The following CTNNBL1 variants were observed in gnomAD, a reference collection of about 807,000 sequenced individuals.
CTNNBL1 encodes the protein beta-catenin-like protein 1.
Under a neutral mutation model 72.7 loss-of-function variants are expected in CTNNBL1, and 31 were observed. That is an observed-to-expected ratio of 0.43 (90% confidence interval 0.32 to 0.58). CTNNBL1 has a LOEUF of 0.58. Ranked by LOEUF, CTNNBL1 falls within the 20% of genes least tolerant of loss-of-function variation. CTNNBL1 has a pLI of 0.08. For synonymous variants in CTNNBL1, 240 were observed against 267.3 expected (o/e 0.90, Z 1.00); for missense variants, 534 against 725.1 (o/e 0.74, Z 3.03).
At chr20:37,802,559 TA>T (rs1269335048) in intron 10 of CTNNBL1, among the ~76,000 whole-genome samples, 18 of 152,350 alleles carry the variant, frequency 1.2e-4, no homozygotes, top group African/African-American at 4.1e-4. Flanking sequence ...GAAATGTCTA[TA>T]ATCTCAACAC....
rs147419302 is a variant in CTNNBL1, at chr20:37,747,460, A to G, written c.466+853A>G. On this transcript the variant is annotated intron_variant, in intron 4 of 15. Coordinates refer to ENST00000361383, the MANE Select transcript of CTNNBL1 (RefSeq NM_030877.5). ...TTTGTTGAGTGCATGTTGGACCTAA[A>G]CAGACAATCTAGGTTTGACTCTCAA... Among the ~76,000 whole-genome samples the G allele has an allele frequency of 2.8e-3, 421 of 152,158 alleles. 4 individuals are homozygous for G. Among genetic ancestry groups the G allele is most frequent in the East Asian group, 0.017 (86 of 5,184 alleles).
chr20:37,784,625 T>C (rs1227061400), intron 10 of CTNNBL1, among the ~76,000 whole-genome samples: 2 of 152,230 alleles, frequency 1.3e-5, no homozygotes, highest in African/African-American at 4.8e-5. Context: ...ATAAAAACTC[T>C]ACACTTTAAC....
intron 3 of CTNNBL1, among the ~76,000 whole-genome samples, chr20:37,745,021 G>A (rs539466310): frequency 7.9e-5 from 12 of 152,252 alleles, no homozygotes; most frequent in Admixed American, 5.9e-4. Context: ...GTTATTTTTG[G>A]TTAGTAGGCT....
chr20:37,718,247 C>T (rs1423886321), intron 1 of CTNNBL1, among the ~76,000 whole-genome samples: 213 of 145,010 alleles, frequency 1.5e-3, no homozygotes, highest in African/African-American at 5.3e-3. Context: ...CTGACCCCCC[C>T]ACCTCCCTCC....
chr20:37,715,231 G>A (rs2072976012), intron 1 of CTNNBL1, among the ~76,000 whole-genome samples: 1 of 152,168 alleles, frequency 6.6e-6, no homozygotes, highest in Admixed American at 6.5e-5. Flanking sequence ...ATAGACTGAC[G>A]GGCAGCGTTT....
At chr20:37,804,272 G>A (rs935800611) in intron 11 of CTNNBL1, among the ~76,000 whole-genome samples, 6 of 152,204 alleles carry the variant, frequency 3.9e-5, no homozygotes, top group African/African-American at 1.4e-4. Flanking sequence ...AGGGAATGGA[G>A]GGGGTCCTGG....
intron 11 of CTNNBL1, among the ~76,000 whole-genome samples, chr20:37,812,328 C>T (rs2072019191): frequency 6.6e-6 from 1 of 152,172 alleles, no homozygotes; most frequent in African/African-American, 2.4e-5. Flanking sequence ...TTCATGTTTA[C>T]ATATAGGATA....
At chr20:37,833,979 T>C (rs566016066) in intron 11 of CTNNBL1, among the ~76,000 whole-genome samples, 16 of 152,176 alleles carry the variant, frequency 1.1e-4, no homozygotes, top group Non-Finnish European at 2.2e-4. Context: ...AGCATCCAGA[T>C]AGAGAGGTAG....
chr20:37,862,623 C>T (rs56035067), intron 15 of CTNNBL1, among the ~76,000 whole-genome samples: 2,591 of 152,284 alleles, frequency 0.017, 74 homozygotes, highest in African/African-American at 0.059. Context: ...GGCAAGCGAG[C>T]AGGTGAGCGA....
intron 15 of CTNNBL1, among the ~76,000 whole-genome samples, chr20:37,863,290 C>G (rs890691996): frequency 3.3e-5 from 5 of 152,204 alleles, no homozygotes; most frequent in Non-Finnish European, 7.3e-5. Flanking sequence ...GCTCCAGGAA[C>G]TACTCAGCTG....
At chr20:37,796,284 G>T (rs1042705044) in intron 10 of CTNNBL1, among the ~76,000 whole-genome samples, 1 of 152,042 alleles carries the variant, frequency 6.6e-6, no homozygotes, top group Non-Finnish European at 1.5e-5. Flanking sequence ...GCAGATCTCC[G>T]TGCAGCTCTC....
intron 4 of CTNNBL1, among the ~76,000 whole-genome samples, chr20:37,749,485 C>G (rs534624785): frequency 6.6e-6 from 1 of 152,074 alleles, no homozygotes; most frequent in Non-Finnish European, 1.5e-5. Context: ...AAACACATCC[C>G]CCTATAATAA....
chr20:37,773,504 C>T (rs564250571), intron 7 of CTNNBL1, among the ~76,000 whole-genome samples: 1 of 152,288 alleles, frequency 6.6e-6, no homozygotes, highest in South Asian at 2.1e-4. Flanking sequence ...TAGAAGAGAG[C>T]CCTACAAGTT....
chr20:37,743,596 A>G (rs2122617788), intron 3 of CTNNBL1, among the ~76,000 whole-genome samples: 1 of 152,346 alleles, frequency 6.6e-6, no homozygotes, highest in Admixed American at 6.5e-5. Flanking sequence ...TAAAGCTATA[A>G]CAATGTGGAA....
At chr20:37,822,898 C>G (rs1390915141) in intron 11 of CTNNBL1, among the ~76,000 whole-genome samples, 1 of 152,180 alleles carries the variant, frequency 6.6e-6, no homozygotes, top group Non-Finnish European at 1.5e-5. Context: ...TCAGAAAGAC[C>G]TGTCTGGAAA....
chr20:37,752,503 A>G (rs1369950388), intron 4 of CTNNBL1, among the ~76,000 whole-genome samples: 1 of 151,778 alleles, frequency 6.6e-6, no homozygotes, highest in Non-Finnish European at 1.5e-5. Context: ...GTCTTAAGAA[A>G]GCCTTTTTGA....
At chr20:37,755,548 A>C (rs1385121649) in intron 4 of CTNNBL1, among the ~76,000 whole-genome samples, 1 of 152,224 alleles carries the variant, frequency 6.6e-6, no homozygotes, top group Non-Finnish European at 1.5e-5. Flanking sequence ...AAGGAGTAAG[A>C]CACAGAAAGC....
At chr20:37,812,467 C>G (rs1311451224) in intron 11 of CTNNBL1, among the ~76,000 whole-genome samples, 1 of 152,130 alleles carries the variant, frequency 6.6e-6, no homozygotes, top group Admixed American at 6.5e-5. Context: ...GGCATATTAC[C>G]CTGGACCCTC....
At chr20:37,821,386 A>G (rs550640868) in intron 11 of CTNNBL1, among the ~76,000 whole-genome samples, 2 of 152,346 alleles carry the variant, frequency 1.3e-5, no homozygotes, top group South Asian at 2.1e-4. Flanking sequence ...AAACAGACTT[A>G]ATCAAAAGGA....
Sources: allele counts gnomAD v4.1 joint callset (sites outside exome capture counted in the v4.1 genomes callset), GRCh38; gene constraint gnomAD v4.1.1; transcripts MANE v1.5; gene names NCBI Gene and HGNC (gene_info 2026-07-23, HGNC 2026-07-21).